The following PTPRK variants were observed in gnomAD, a reference collection of about 807,000 sequenced individuals.
The protein encoded by PTPRK is protein tyrosine phosphatase receptor type K, also known as receptor-type tyrosine-protein phosphatase kappa.
In PTPRK, 75 loss-of-function variants were observed where a neutral mutation model predicts 178.0. The ratio of observed to expected loss-of-function variants is 0.42; its 90% CI spans 0.35 to 0.51. PTPRK has a LOEUF of 0.51. Ranked by LOEUF, PTPRK falls within the 20% of genes least tolerant of loss-of-function variation. The probability of loss-of-function intolerance (pLI) is 0.02; values close to 1 mark genes in which losing one functional copy is unlikely to be tolerated. For synonymous variants in PTPRK, 637 were observed against 620.6 expected (o/e 1.03, Z -0.39); for missense variants, 1,441 against 1,797.8 (o/e 0.80, Z 3.59).
intron 2 of PTPRK, among the ~76,000 whole-genome samples, chr6:128,358,372 GT>G (rs1834242864): frequency 6.6e-6 from 1 of 152,192 alleles, no homozygotes; most frequent in Non-Finnish European, 1.5e-5. Flanking sequence ...GGGTCATGGG[GT>G]TTGTGGCAGT....
chr6:128,182,208 T>G (rs1234863571), intron 7 of PTPRK, among the ~76,000 whole-genome samples: 1 of 152,094 alleles, frequency 6.6e-6, no homozygotes, highest in Non-Finnish European at 1.5e-5. Context: ...ATACACAAAT[T>G]AAATGTTTCT....
chr6:128,068,035 G>GTAGGACT (rs1420654627), intron 11 of PTPRK, among the ~76,000 whole-genome samples: 27 of 152,138 alleles, frequency 1.8e-4, no homozygotes, highest in African/African-American at 6.5e-4. Context: ...AACAATCACC[G>GTAGGACT]TAGGACTTTC....
intron 13 of PTPRK, among the ~76,000 whole-genome samples, chr6:128,049,874 C>T (rs565164999): frequency 2.0e-5 from 3 of 152,286 alleles, no homozygotes; most frequent in East Asian, 3.9e-4. Context: ...CGGTGGCTCA[C>T]GCCTGTAATC....
intron 3 of PTPRK, among the ~76,000 whole-genome samples, chr6:128,262,321 T>C (rs908581480): frequency 6.6e-6 from 1 of 152,196 alleles, no homozygotes; most frequent in Non-Finnish European, 1.5e-5. Flanking sequence ...TTATGCACTA[T>C]ACTCTCTTAA....
chr6:128,105,949 T>A (rs1250906155), intron 7 of PTPRK, among the ~76,000 whole-genome samples: 1 of 152,192 alleles, frequency 6.6e-6, no homozygotes, highest in East Asian at 1.9e-4. Flanking sequence ...CACAAGAGTA[T>A]TTCCTGGCTT....
chr6:128,419,477 T>C (rs1032336872), intron 1 of PTPRK, among the ~76,000 whole-genome samples: 2 of 151,958 alleles, frequency 1.3e-5, no homozygotes, highest in Non-Finnish European at 2.9e-5. Flanking sequence ...TAGCCGGGCA[T>C]GGTGGCGGGC....
chr6:128,273,956 C>T (rs73596655), intron 3 of PTPRK, among the ~76,000 whole-genome samples: 6,627 of 151,998 alleles, frequency 0.044, 478 homozygotes, highest in African/African-American at 0.15. Context: ...CAGAGATAAG[C>T]GATGTGCCTT....
intron 3 of PTPRK, among the ~76,000 whole-genome samples, chr6:128,280,546 T>C (rs1821508134): frequency 6.6e-6 from 1 of 152,168 alleles, no homozygotes; most frequent in African/African-American, 2.4e-5. Flanking sequence ...ATACTTTCTG[T>C]GTTCAAAAGG....
intron 14 of PTPRK, among the ~76,000 whole-genome samples, chr6:128,007,461 T>G (rs777691949): frequency 6.0e-5 from 9 of 150,888 alleles, no homozygotes; most frequent in Non-Finnish European, 1.5e-5. Context: ...GAGAGGCTCA[T>G]TAACTTAACC....
intron 3 of PTPRK, among the ~76,000 whole-genome samples, chr6:128,317,221 G>A (rs1225246930): frequency 6.6e-6 from 1 of 152,004 alleles, no homozygotes; most frequent in East Asian, 1.9e-4. Flanking sequence ...CCACCACTAC[G>A]TAAGCACAAC....
intron 2 of PTPRK, among the ~76,000 whole-genome samples, chr6:128,324,693 G>T (rs1040373705): frequency 1.3e-5 from 2 of 152,068 alleles, no homozygotes; most frequent in African/African-American, 4.8e-5. Flanking sequence ...GAATAATAAT[G>T]CATTTATTGC....
chr6:128,466,323 A>T (rs529085997), intron 1 of PTPRK, among the ~76,000 whole-genome samples: 1 of 152,368 alleles, frequency 6.6e-6, no homozygotes, highest in East Asian at 1.9e-4. Flanking sequence ...TGTGTCAGAC[A>T]ATCCATACTA....
intron 5 of PTPRK, among the ~76,000 whole-genome samples, chr6:128,227,177 C>G (rs1286604574): frequency 1.3e-4 from 20 of 152,030 alleles, no homozygotes; most frequent in Admixed American, 1.2e-3. Context: ...AAGAAACAAA[C>G]AAAGAAACAT....
intron 13 of PTPRK, among the ~76,000 whole-genome samples, chr6:128,024,639 T>C (rs534084927): frequency 3.0e-4 from 46 of 151,942 alleles, no homozygotes; most frequent in African/African-American, 1.1e-3. Context: ...TGAAACCCCA[T>C]CTCTACTAAA....
intron 7 of PTPRK, among the ~76,000 whole-genome samples, chr6:128,183,901 G>A (rs570242556): frequency 6.6e-6 from 1 of 152,248 alleles, no homozygotes; most frequent in East Asian, 1.9e-4. Context: ...AAATCTCTCT[G>A]TGTTCTGCAG....
chr6:128,108,900 A>G (rs1790165820), intron 7 of PTPRK, among the ~76,000 whole-genome samples: 1 of 152,126 alleles, frequency 6.6e-6, no homozygotes, highest in African/African-American at 2.4e-5. Context: ...TCTTTCTCTG[A>G]TAAGGACACT....
chr6:128,116,550 T>A (rs1047027457), intron 7 of PTPRK, among the ~76,000 whole-genome samples: 12 of 152,180 alleles, frequency 7.9e-5, no homozygotes, highest in Non-Finnish European at 1.5e-4. Context: ...GAGACAAGAA[T>A]CCAAAGCTTG....
chr6:128,298,169 A>G (rs1439316913), intron 3 of PTPRK, among the ~76,000 whole-genome samples: 1 of 152,216 alleles, frequency 6.6e-6, no homozygotes. Context: ...CTCTCCAAAG[A>G]CTAAAACAGG....
chr6:128,399,724 T>C, intron 1 of PTPRK, among the ~76,000 whole-genome samples: 1 of 152,212 alleles, frequency 6.6e-6, no homozygotes, highest in East Asian at 1.9e-4. Flanking sequence ...CATTGACTCA[T>C]TTGAAAGACA....
Sources: gnomAD v4.1 joint callset for allele counts (sites outside exome capture counted in the v4.1 genomes callset) on GRCh38, gnomAD v4.1.1 for gene constraint, MANE v1.5 for transcripts, NCBI Gene and HGNC (gene_info 2026-07-23, HGNC 2026-07-21) for gene names.